Variants in DTD1 observed in about 807,000 individuals in gnomAD.
DTD1 encodes D-aminoacyl-tRNA deacylase 1.
In DTD1, 13 loss-of-function variants were observed where a neutral mutation model predicts 25.6. The observed-to-expected ratio is 0.51, with a 90% CI of 0.33 to 0.81. DTD1 has a LOEUF of 0.81. Ranked by LOEUF, DTD1 falls within the 30% of genes least tolerant of loss-of-function variation. The probability of loss-of-function intolerance (pLI) is 0.02; values close to 1 mark genes in which losing one functional copy is unlikely to be tolerated. For synonymous variants in DTD1, 110 were observed against 103.6 expected, an observed-to-expected ratio of 1.06 and a Z score of -0.37; for missense variants, 193 against 266.4, an observed-to-expected ratio of 0.72 and a Z score of 1.92.
intron 4 of DTD1, among the ~76,000 whole-genome samples, chr20:18,664,475 T>C (rs1275058369): frequency 1.3e-5 from 2 of 152,178 alleles, no homozygotes; most frequent in African/African-American, 4.8e-5. Flanking sequence ...CTCAGCTCCA[T>C]GCTGTTTCTT....
At chr20:18,721,618 A>G (rs1352476939) in intron 4 of DTD1, among the ~76,000 whole-genome samples, 3 of 152,196 alleles carry the variant, frequency 2.0e-5, no homozygotes, top group East Asian at 1.9e-4. Context: ...TTAGAAGAAC[A>G]TATCTGATTA....
chr20:18,672,545 C>G (rs910177857), intron 4 of DTD1, among the ~76,000 whole-genome samples: 1 of 152,068 alleles, frequency 6.6e-6, no homozygotes, highest in African/African-American at 2.4e-5. Context: ...ACTATATTTC[C>G]CAAATTGGTA....
intron 4 of DTD1, among the ~76,000 whole-genome samples, chr20:18,696,648 G>A (rs1417130234): frequency 2.6e-5 from 4 of 151,944 alleles, no homozygotes; most frequent in Admixed American, 2.0e-4. Flanking sequence ...TCCGCCTCCC[G>A]GGTTCAAGTG....
At chr20:18,679,729 A>T (rs192494105) in intron 4 of DTD1, among the ~76,000 whole-genome samples, 15 of 152,346 alleles carry the variant, frequency 9.8e-5, no homozygotes, top group Non-Finnish European at 1.8e-4. Flanking sequence ...AAGGTTTATT[A>T]AAGAGACATG....
At chr20:18,651,138 G>C (rs1479203098) in intron 4 of DTD1, among the ~76,000 whole-genome samples, 1 of 152,164 alleles carries the variant, frequency 6.6e-6, no homozygotes, top group Non-Finnish European at 1.5e-5. Context: ...CAGCTGGTTA[G>C]TTTTTGTTTG....
chr20:18,687,772 G>GTTCA (rs2061022888), intron 4 of DTD1, among the ~76,000 whole-genome samples: 1 of 152,080 alleles, frequency 6.6e-6, no homozygotes, highest in Admixed American at 6.6e-5. Flanking sequence ...TTGAACTTCT[G>GTTCA]AGCTCAAATG....
At position 18,607,399 on chromosome 20, in the gene DTD1, G is replaced by A. The variant is rs112267242; in HGVS notation, c.370+11158G>A. Among the ~76,000 whole-genome samples the A allele has an allele frequency of 3.3e-3, 501 of 152,172 alleles. 5 individuals are homozygous for A. The highest frequency in any genetic ancestry group is 0.012 in the African/African-American group (487 of 41,528). ...TGGTTTCGAATTCCTGACTTCAAGT[G>A]ATCTACATGTCTAGGCCCCAAAGTG... On this transcript the variant is annotated intron_variant, in intron 3 of 5. Coordinates refer to ENST00000377452, the MANE Select transcript of DTD1 (RefSeq NM_080820.6).
In DTD1 at chr20:18,629,745, TGCAGGAAGGATGGCTGCA is replaced by T. The variant is rs528398583; in HGVS notation, c.477+1514_477+1531del. On this transcript the variant is annotated intron_variant, in intron 4 of 5. Transcript: ENST00000377452. ...AATTGGCTCACAGTTCTGCAGGCTG[TGCAGGAAGGATGGCTGCA>T]GAGGCCTCAGGAAACTTACAATCAT... Among the ~76,000 whole-genome samples the T allele has an allele frequency of 6.0e-4, 91 of 152,180 alleles. 1 individual carries two copies. The highest frequency in any genetic ancestry group is 3.4e-3 in the Middle Eastern group (1 of 294).
At chr20:18,638,878 C>G (rs756665764) in intron 4 of DTD1, among the ~76,000 whole-genome samples, 1 of 152,148 alleles carries the variant, frequency 6.6e-6, no homozygotes, top group African/African-American at 2.4e-5. Flanking sequence ...GGCCCTCAAC[C>G]ACTCTCATAT....
In DTD1 at chr20:18,763,515, T is replaced by C. The variant is rs2061370681; in HGVS notation, c.*175T>C. ...CAAAAAACACCAAAGGACCGTTTTATCGTTTTCTGTTGTTGCTGTGGTGGA... is the reference window on the plus strand; with the variant it reads ...CAAAAAACACCAAAGGACCGTTTTACCGTTTTCTGTTGTTGCTGTGGTGGA... On this transcript the variant is annotated 3_prime_UTR_variant, in exon 6 of 6. Coordinates refer to ENST00000377452, the MANE Select transcript of DTD1 (RefSeq NM_080820.6). The C allele has an allele frequency of 6.5e-6, 1 of 152,708 alleles. No homozygotes were observed. 9.5% of individuals were successfully genotyped at this position (152,708 alleles called of 1,614,324 possible).
At chr20:18,621,866 T>C (rs896948098) in intron 3 of DTD1, among the ~76,000 whole-genome samples, 1 of 152,094 alleles carries the variant, frequency 6.6e-6, no homozygotes, top group Admixed American at 6.5e-5. Context: ...AGATCGAGAC[T>C]ATCCTGGCTA....
At chr20:18,722,088 C>A (rs773682226) in intron 4 of DTD1, among the ~76,000 whole-genome samples, 13 of 152,370 alleles carry the variant, frequency 8.5e-5, no homozygotes, top group Middle Eastern at 3.4e-3. Flanking sequence ...GGTGGCTGGA[C>A]TCCTCAGGCC....
chr20:18,712,775 G>A (rs1041344964), intron 4 of DTD1, among the ~76,000 whole-genome samples: 7 of 152,196 alleles, frequency 4.6e-5, no homozygotes, highest in African/African-American at 1.7e-4. Context: ...GAACAATCAT[G>A]ACCTTACGTG....
intron 4 of DTD1, among the ~76,000 whole-genome samples, chr20:18,699,283 T>A (rs1295810346): frequency 6.6e-6 from 1 of 152,164 alleles, no homozygotes; most frequent in Non-Finnish European, 1.5e-5. Flanking sequence ...GGTGTTCTTT[T>A]CCCCATCTGT....
intron 3 of DTD1, among the ~76,000 whole-genome samples, chr20:18,624,923 A>G (rs1176437362): frequency 6.6e-6 from 1 of 152,120 alleles, no homozygotes; most frequent in Non-Finnish European, 1.5e-5. Context: ...GTTTCTTCTC[A>G]TGGCTTTGAC....
At position 18,711,936 on chromosome 20, in the gene DTD1, G is replaced by A. The variant is rs369613344; in HGVS notation, c.478-32164G>A. On this transcript the variant is annotated intron_variant, in intron 4 of 5. Transcript: ENST00000377452. Reference sequence around the variant, plus strand: ...GGTGGGGGTTGCCGGGGGTCGGGGGGCACGTGCCTGTAATCCCAGCTACAT... The same window carrying A: ...GGTGGGGGTTGCCGGGGGTCGGGGGACACGTGCCTGTAATCCCAGCTACAT... Among the ~76,000 whole-genome samples, 1,355 of 151,216 alleles carry A rather than the reference G, an allele frequency of 9.0e-3. 10 individuals are homozygous for A. The highest frequency in any genetic ancestry group is 0.012 in the Non-Finnish European group (836 of 67,762).
intron 4 of DTD1, among the ~76,000 whole-genome samples, chr20:18,684,655 T>C (rs777764403): frequency 1.3e-5 from 2 of 152,120 alleles, no homozygotes; most frequent in African/African-American, 2.4e-5. Flanking sequence ...TAAGCAGATC[T>C]CAACTGCCAC....
chr20:18,689,610 A>C (rs1418553604), intron 4 of DTD1, among the ~76,000 whole-genome samples: 1 of 152,130 alleles, frequency 6.6e-6, no homozygotes, highest in Non-Finnish European at 1.5e-5. Context: ...GTATTTTATC[A>C]CTAACATTGT....
intron 4 of DTD1, among the ~76,000 whole-genome samples, chr20:18,628,536 G>C (rs1327555220): frequency 6.6e-6 from 1 of 152,092 alleles, no homozygotes; most frequent in East Asian, 1.9e-4. Flanking sequence ...ACCTGCCCCT[G>C]GGTGGCAGCA....
Sources: gnomAD v4.1 joint callset for allele counts (sites outside exome capture counted in the v4.1 genomes callset) on GRCh38, gnomAD v4.1.1 for gene constraint, MANE v1.5 for transcripts, NCBI Gene and HGNC (gene_info 2026-07-23, HGNC 2026-07-21) for gene names.